KHDRBS2: variants seen among roughly 807,000 people sequenced by gnomAD.
KHDRBS2 encodes KH RNA binding domain containing, signal transduction associated 2.
A neutral mutation model predicts 44.3 loss-of-function variants in KHDRBS2; 26 were observed. That is an observed-to-expected ratio of 0.59 (90% confidence interval 0.43 to 0.81). The LOEUF is 0.81. KHDRBS2 is among the 40% of genes least tolerant of loss of function. The probability of loss-of-function intolerance (pLI) is 0.00; values close to 1 mark genes in which losing one functional copy is unlikely to be tolerated. For synonymous variants in KHDRBS2, 194 were observed against 151.1 expected, an observed-to-expected ratio of 1.28 and a Z score of -2.08; for missense variants, 476 against 433.1, an observed-to-expected ratio of 1.10 and a Z score of -0.88.
At chr6:61,977,665 G>T (rs1772964936) in intron 4 of KHDRBS2, among the ~76,000 whole-genome samples, 1 of 151,908 alleles carries the variant, frequency 6.6e-6, no homozygotes, top group Admixed American at 6.6e-5. Context: ...TTACATATCT[G>T]ATCTCTTTCC....
intron 6 of KHDRBS2, among the ~76,000 whole-genome samples, chr6:61,750,879 G>T (rs1777583041): frequency 1.3e-5 from 2 of 151,676 alleles, no homozygotes; most frequent in Admixed American, 1.3e-4. Context: ...ATTTTGAGTA[G>T]CCTGCATAGG....
intron 8 of KHDRBS2, among the ~76,000 whole-genome samples, chr6:61,690,979 A>T (rs1767339014): frequency 6.6e-6 from 1 of 152,068 alleles, no homozygotes; most frequent in Non-Finnish European, 1.5e-5. Flanking sequence ...TCTCAACCTT[A>T]GCTTACAATG....
intron 7 of KHDRBS2, among the ~76,000 whole-genome samples, chr6:61,703,979 C>A (rs1468755298): frequency 6.6e-6 from 1 of 151,840 alleles, no homozygotes; most frequent in African/African-American, 2.4e-5. Context: ...AACTTTATGC[C>A]TATGGTGGGA....
At chr6:62,160,182 T>C (rs1274056614) in intron 2 of KHDRBS2, among the ~76,000 whole-genome samples, 3 of 152,122 alleles carry the variant, frequency 2.0e-5, no homozygotes, top group African/African-American at 7.2e-5. Flanking sequence ...CAACTTTACA[T>C]TCTGACATGA....
At chr6:61,752,596 C>T (rs1194451245) in intron 6 of KHDRBS2, among the ~76,000 whole-genome samples, 1 of 147,290 alleles carries the variant, frequency 6.8e-6, no homozygotes, top group South Asian at 2.1e-4. Context: ...AAGCTAAAAA[C>T]CTAATTATTT....
At chr6:61,843,265 C>T (rs1210120308) in intron 6 of KHDRBS2, among the ~76,000 whole-genome samples, 1 of 151,432 alleles carries the variant, frequency 6.6e-6, no homozygotes, top group Non-Finnish European at 1.5e-5. Context: ...GTGATGGTTG[C>T]ACAACTTTGT....
the KHDRBS2 span, among the ~76,000 whole-genome samples, chr6:61,577,148 T>G: frequency 2.0e-5 from 3 of 151,692 alleles, no homozygotes; most frequent in African/African-American, 4.8e-5. Flanking sequence ...TTTTGTTTTT[T>G]TTTTTTAACC....
intron 3 of KHDRBS2, among the ~76,000 whole-genome samples, chr6:62,014,139 C>T (rs985190501): frequency 1.3e-5 from 2 of 152,098 alleles, no homozygotes; most frequent in Admixed American, 1.3e-4. Context: ...TAATTGCAAA[C>T]ATATTTTAAT....
intron 2 of KHDRBS2, among the ~76,000 whole-genome samples, chr6:62,111,714 T>G (rs146966043): frequency 5.9e-5 from 9 of 152,158 alleles, no homozygotes; most frequent in Non-Finnish European, 1.3e-4. Flanking sequence ...AGACCCTATA[T>G]CTACAAAAAA....
chr6:61,636,275 C>G, the KHDRBS2 span, among the ~76,000 whole-genome samples: 12 of 152,000 alleles, frequency 7.9e-5, no homozygotes, highest in Admixed American at 5.9e-4. Context: ...AATTTGATTT[C>G]TATTTACTGT....
At chr6:61,742,838 C>A (rs567360896) in intron 6 of KHDRBS2, among the ~76,000 whole-genome samples, 24 of 152,158 alleles carry the variant, frequency 1.6e-4, no homozygotes, top group African/African-American at 5.8e-4. Flanking sequence ...AAATCAGTCT[C>A]TAATAAAAGG....
the KHDRBS2 span, among the ~76,000 whole-genome samples, chr6:61,572,270 A>G: frequency 6.6e-6 from 1 of 152,118 alleles, no homozygotes; most frequent in African/African-American, 2.4e-5. Flanking sequence ...TTAAATAAGG[A>G]AGAAATAAAA....
the KHDRBS2 span, among the ~76,000 whole-genome samples, chr6:61,662,124 C>T: frequency 1.3e-5 from 2 of 151,934 alleles, no homozygotes. Context: ...CTTTGACAAA[C>T]CTGAGAAAAA....
intron 2 of KHDRBS2, among the ~76,000 whole-genome samples, chr6:62,092,381 T>C (rs1799654408): frequency 6.6e-6 from 1 of 152,186 alleles, no homozygotes; most frequent in Non-Finnish European, 1.5e-5. Context: ...CAGATTCAAA[T>C]GTTTTCTCTT....
At chr6:61,762,627 C>A (rs1009467359) in intron 6 of KHDRBS2, among the ~76,000 whole-genome samples, 12 of 152,184 alleles carry the variant, frequency 7.9e-5, no homozygotes, top group African/African-American at 2.4e-4. Flanking sequence ...TTGGAAGCAG[C>A]CTGAGGCTTT....
At chr6:61,559,099 G>A in the KHDRBS2 span, among the ~76,000 whole-genome samples, 1 of 152,102 alleles carries the variant, frequency 6.6e-6, no homozygotes, top group East Asian at 1.9e-4. Flanking sequence ...GGGTGCTGCA[G>A]TGTTGGATGC....
the KHDRBS2 span, among the ~76,000 whole-genome samples, chr6:61,647,404 G>A: frequency 3.3e-5 from 5 of 152,016 alleles, no homozygotes; most frequent in African/African-American, 1.2e-4. Flanking sequence ...TGGTGTTTAT[G>A]TAAGCTAATG....
intron 4 of KHDRBS2, among the ~76,000 whole-genome samples, chr6:61,967,425 A>G (rs776881004): frequency 3.3e-5 from 5 of 151,900 alleles, no homozygotes; most frequent in Non-Finnish European, 7.4e-5. Flanking sequence ...ACAGATAGAT[A>G]GACAGATGGA....
At chr6:62,261,300 G>C (rs1355583076) in intron 1 of KHDRBS2, among the ~76,000 whole-genome samples, 1 of 151,800 alleles carries the variant, frequency 6.6e-6, no homozygotes, top group Non-Finnish European at 1.5e-5. Flanking sequence ...CTATGCTCCA[G>C]CTCCATGGAA....
Sources: allele counts gnomAD v4.1 joint callset (sites outside exome capture counted in the v4.1 genomes callset), GRCh38; gene constraint gnomAD v4.1.1; transcripts MANE v1.5; gene names NCBI Gene and HGNC (gene_info 2026-07-23, HGNC 2026-07-21).